The following PCNX2 variants were observed in gnomAD, a reference collection of about 807,000 sequenced individuals.
PCNX2 encodes the protein pecanex-like protein 2.
Under a neutral mutation model 223.8 loss-of-function variants are expected in PCNX2, and 168 were observed. The ratio of observed to expected loss-of-function variants is 0.75; its 90% CI spans 0.66 to 0.85. PCNX2 has a LOEUF of 0.85. Among genes scored for constraint, PCNX2 ranks in the 40% least tolerant of loss-of-function variants. PCNX2 has a pLI of 0.00. For synonymous variants in PCNX2, 1,006 were observed against 1,052.6 expected, an observed-to-expected ratio of 0.96 and a Z score of 0.86; for missense variants, 2,507 against 2,675.5, an observed-to-expected ratio of 0.94 and a Z score of 1.39.
rs1558154026 is a variant in PCNX2, at chr1:233,001,516, AT to A, written c.5097+20del. Reference sequence around the variant, plus strand: ...AATAAATAAATAAATAAATAAATAAATAAATAAAATAGGTTTTTACCTGGTG... The same window carrying A: ...AATAAATAAATAAATAAATAAATAAAAAATAAAATAGGTTTTTACCTGGTG... On this transcript the variant is annotated intron_variant, in intron 29 of 33. Transcript: ENST00000258229. The surrounding 1 kb of genome is among the most constrained non-coding windows in gnomAD (Gnocchi z 4.2). 95 of 1,252,022 alleles carry A rather than the reference AT, an allele frequency of 7.6e-5. No homozygotes were observed. The highest frequency in any genetic ancestry group is 2.8e-4 in the South Asian group (10 of 35,176). The allele number at this position is 1,252,022 out of a possible 1,614,324, so 77.6% of individuals were successfully genotyped here. A position where few individuals can be genotyped will look rare whatever the true frequency, so the allele number is the denominator to read the frequency against.
chr1:233,226,956 G>C (rs1657768180), intron 10 of PCNX2, among the ~76,000 whole-genome samples: 2 of 152,034 alleles, frequency 1.3e-5, no homozygotes, highest in Non-Finnish European at 2.9e-5. Context: ...ATTTCTTATT[G>C]TAACTTATTA....
chr1:233,110,718 T>C (rs1675065312), intron 21 of PCNX2, among the ~76,000 whole-genome samples: 1 of 151,868 alleles, frequency 6.6e-6, no homozygotes. Flanking sequence ...TAAGAATAAA[T>C]ATATGACAAT....
intron 21 of PCNX2, among the ~76,000 whole-genome samples, chr1:233,131,271 G>A (rs180769869): frequency 6.6e-6 from 1 of 152,268 alleles, no homozygotes; most frequent in Admixed American, 6.5e-5. Flanking sequence ...TAGTGGACAA[G>A]TAACATTTCA....
chr1:233,160,346 G>A lies in PCNX2; in HGVS notation c.3454C>T (p.Pro1152Ser). ...YVLPQLRKHH[P>S]WMWISHPILK... ...ATGGGGTGTGAAATCCACATCCAGG[G>A]ATGATGCTTGCGGAGCTGAGGGAGC... is the stretch of plus-strand genomic sequence containing the variant. The change falls in exon 19 of 34, where the codon CCC becomes TCC. Residue 1152 changes from proline (P) to serine (S), a missense_variant. Pro to Ser is a moderately conservative substitution (Grantham distance 74, BLOSUM62 -1). Transcript: ENST00000258229. The A allele has an allele frequency of 6.2e-7, 1 of 1,613,584 alleles. No individual in the cohort carries two copies. Among genetic ancestry groups the A allele is most frequent in the Non-Finnish European group, 8.5e-7 (1 of 1,179,716 alleles).
Position 233,017,518 on chromosome 1 carries a change from A to G in PCNX2, c.4606-364T>C, listed in dbSNP as rs367898425. On this transcript the variant is annotated intron_variant, in intron 26 of 33. Coordinates refer to ENST00000258229, the MANE Select transcript of PCNX2 (RefSeq NM_014801.4). ...ATTTTAGTGGAGACGGGGTTTCACC[A>G]TGTTAGCCAGGATGGTCTCGATCTC... Among the ~76,000 whole-genome samples, 387 of 151,990 alleles carry G rather than the reference A, an allele frequency of 2.5e-3. 3 individuals are homozygous for G. The highest frequency in any genetic ancestry group is 7.6e-3 in the East Asian group (39 of 5,138).
chr1:233,250,599 C>T, intron 8 of PCNX2, 140 bp downstream of exon 8: 4 of 1,315,006 alleles, frequency 3.0e-6, no homozygotes, highest in Non-Finnish European at 2.9e-6. Context: ...TTTCCTTTTT[C>T]TTTCATACAA....
At chr1:233,177,942 G>T in intron 16 of PCNX2, 44 bp from the exon 17 acceptor site, 1 of 1,522,824 alleles carries the variant, frequency 6.6e-7, no homozygotes, top group South Asian at 1.1e-5. Context: ...ATGTTCCTGG[G>T]ACAGTGTTTT....
intron 8 of PCNX2, among the ~76,000 whole-genome samples, chr1:233,246,780 C>A (rs144040045): frequency 7.9e-5 from 12 of 152,274 alleles, no homozygotes; most frequent in Non-Finnish European, 1.6e-4. Context: ...ATTAGAGATA[C>A]AGCGATGACA....
rs1676865550 is a variant in PCNX2, at chr1:233,137,284, C to CAGTGTGAGTG, written c.3660-2104_3660-2095dup. Among the ~76,000 whole-genome samples, 6 of 152,166 alleles carry CAGTGTGAGTG rather than the reference C, an allele frequency of 3.9e-5. No individual in the cohort carries two copies. The South Asian group carries it at 1.2e-3, about 32-fold the overall frequency. On this transcript the variant is annotated intron_variant, in intron 20 of 33. Transcript: ENST00000258229. ...GGTGCACTGATGTGCTGACATGGTC[C>CAGTGTGAGTG]AGTGTGAGTGAGTGTGAGTGTGGGT...
At chr1:233,071,031 G>A (rs1464784008) in intron 23 of PCNX2, among the ~76,000 whole-genome samples, 3 of 151,960 alleles carry the variant, frequency 2.0e-5, no homozygotes, top group Non-Finnish European at 2.9e-5. Context: ...GCAAGACTCC[G>A]TCACAAAAAA....
Position 233,295,181 on chromosome 1 carries a change from C to G in PCNX2, c.153+145G>C. ...CCCCTTTCCCTGCATGTTCTCTGTC[C>G]CAAATTTCTGAAGCCCCTCCCTTTC... is the stretch of plus-strand genomic sequence containing the variant. On this transcript the variant is annotated intron_variant, in intron 1 of 33. Transcript: ENST00000258229. This position sits in a 1 kb window ranked among gnomAD's most constrained non-coding sequence, Gnocchi z 4.1. 1 of 1,194,678 alleles carries G rather than the reference C, an allele frequency of 8.4e-7. No individual in the cohort carries two copies. Among genetic ancestry groups the G allele is most frequent in the Non-Finnish European group, 1.2e-6 (1 of 855,534 alleles). The allele number at this position is 1,194,678 out of a possible 1,614,324, so 74.0% of individuals were successfully genotyped here. A position where few individuals can be genotyped will look rare whatever the true frequency, so the allele number is the denominator to read the frequency against.
chr1:233,018,601 T>C (rs1444921516), intron 26 of PCNX2, among the ~76,000 whole-genome samples: 1 of 152,084 alleles, frequency 6.6e-6, no homozygotes, highest in African/African-American at 2.4e-5. Context: ...GAAATAGAAA[T>C]GGGACAGAGG....
At chr1:233,141,799 G>GTGTGTGTATA (rs368643677) in intron 19 of PCNX2, among the ~76,000 whole-genome samples, 1 of 150,418 alleles carries the variant, frequency 6.6e-6, no homozygotes, top group African/African-American at 2.5e-5. Flanking sequence ...GTGTGTGTGT[G>GTGTGTGTATA]TATATGAAGA....
intron 32 of PCNX2, among the ~76,000 whole-genome samples, chr1:232,995,152 G>C (rs538141844): frequency 2.0e-4 from 30 of 152,256 alleles, no homozygotes; most frequent in African/African-American, 6.5e-4. Flanking sequence ...CTGCAGCAAG[G>C]ATGCTGTGAA....
intron 25 of PCNX2, among the ~76,000 whole-genome samples, chr1:233,035,430 T>C (rs990726975): frequency 1.2e-4 from 18 of 152,194 alleles, no homozygotes; most frequent in African/African-American, 3.9e-4. Flanking sequence ...TGAATATATA[T>C]TTTAGCTGAG....
At chr1:232,992,387 A>T (rs1195104282) in intron 32 of PCNX2, among the ~76,000 whole-genome samples, 1 of 152,216 alleles carries the variant, frequency 6.6e-6, no homozygotes, top group African/African-American at 2.4e-5. Flanking sequence ...ATCACTTATA[A>T]GTGGAACCCT....
At chr1:232,997,957 A>G (rs79427357) in intron 32 of PCNX2, among the ~76,000 whole-genome samples, 193 of 152,326 alleles carry the variant, frequency 1.3e-3, no homozygotes, top group Non-Finnish European at 2.3e-3. Flanking sequence ...TCAAACGGTC[A>G]TAGAGTGAGA....
In PCNX2 at chr1:233,262,961, G is replaced by A; in HGVS notation, c.356C>T (p.Pro119Leu). The A allele has an allele frequency of 6.2e-7, 1 of 1,612,234 alleles. No individual in the cohort carries two copies. The highest frequency in any genetic ancestry group is 8.5e-7 in the Non-Finnish European group (1 of 1,178,952). ...KGEHITNHRNPSNNRQIHNGK... is the reference protein window; with the variant it reads ...KGEHITNHRNLSNNRQIHNGK... The stretch of plus-strand genomic sequence containing the variant: ...TCACATTAATTGAAAATATTACCTT[G>A]GATTTCTGTGATTAGTTATGTGTTC... The change falls in exon 2 of 34, where the codon CCA (proline) becomes CTA (leucine). Residue 119 changes from proline to leucine, a missense_variant. Coordinates refer to ENST00000258229, the MANE Select transcript of PCNX2 (RefSeq NM_014801.4).
At chr1:233,091,291 A>C (rs1673858689) in intron 22 of PCNX2, among the ~76,000 whole-genome samples, 1 of 152,202 alleles carries the variant, frequency 6.6e-6, no homozygotes, top group Admixed American at 6.5e-5. Flanking sequence ...TGCTGAACTA[A>C]GGAGGATCTT....
Sources: allele counts gnomAD v4.1 joint callset (sites outside exome capture counted in the v4.1 genomes callset), GRCh38; gene constraint gnomAD v4.1.1; non-coding constraint Gnocchi (gnomAD v3.1); transcripts MANE v1.5; gene names NCBI Gene and HGNC (gene_info 2026-07-23, HGNC 2026-07-21).